Variants in PACSIN2 observed in about 807,000 individuals in gnomAD.
The protein encoded by PACSIN2 is protein kinase C and casein kinase substrate in neurons protein 2.
A neutral mutation model predicts 63.8 loss-of-function variants in PACSIN2; 25 were observed. That is an observed-to-expected ratio of 0.39 (90% confidence interval 0.29 to 0.55). The LOEUF (loss-of-function observed/expected upper bound fraction) is 0.55. Among genes scored for constraint, PACSIN2 ranks in the 20% least tolerant of loss-of-function variants. PACSIN2 has a pLI of 0.62. For synonymous variants in PACSIN2, 255 were observed against 256.2 expected, an observed-to-expected ratio of 1.00 and a Z score of 0.05; for missense variants, 518 against 646.9, an observed-to-expected ratio of 0.80 and a Z score of 2.16.
chr22:42,962,828 T>G (rs1159479010), intron 1 of PACSIN2, among the ~76,000 whole-genome samples: 1 of 144,246 alleles, frequency 6.9e-6, no homozygotes, highest in African/African-American at 2.7e-5. Flanking sequence ...TGAATAGTAG[T>G]GGGACTAGGA....
intron 1 of PACSIN2, among the ~76,000 whole-genome samples, chr22:42,987,600 C>T (rs1320942564): frequency 2.3e-5 from 3 of 129,540 alleles, no homozygotes; most frequent in African/African-American, 9.4e-5. Context: ...GGTGCAATCT[C>T]GGCTCACTGC....
Position 42,879,076 on chromosome 22 carries a change from C to G in PACSIN2, c.1000G>C (p.Asp334His), listed in dbSNP as rs200898876. 8 of 1,613,938 alleles carry G rather than the reference C, an allele frequency of 5.0e-6. No homozygotes were observed. Among genetic ancestry groups the G allele is most frequent in the Non-Finnish European group, 5.9e-6 (7 of 1,179,996 alleles). Residue 334 changes from aspartate to histidine, a missense_variant, in exon 8 of 11, where the codon GAC (aspartate) becomes CAC (histidine). Asp to His is a moderately conservative substitution (Grantham distance 81, BLOSUM62 -1). Transcript: ENST00000263246. ...VTLTGINQTG[D>H]QSLPSKPSST... Reference sequence around the variant, plus strand: ...CTGGGCTTACTCGGCAGAGACTGGTCGCCTGTCTGGTTGATGCCCGTCAGG... The same window carrying G: ...CTGGGCTTACTCGGCAGAGACTGGTGGCCTGTCTGGTTGATGCCCGTCAGG...
intron 1 of PACSIN2, among the ~76,000 whole-genome samples, chr22:42,971,543 C>T (rs1452074581): frequency 1.3e-5 from 2 of 152,120 alleles, no homozygotes; most frequent in African/African-American, 2.4e-5. Context: ...TGCCTGGCAG[C>T]CCATCGTCTG....
At chr22:42,955,890 T>C (rs927260916) in intron 1 of PACSIN2, among the ~76,000 whole-genome samples, 17 of 152,232 alleles carry the variant, frequency 1.1e-4, no homozygotes, top group Admixed American at 7.9e-4. Flanking sequence ...GCAGAGAAGA[T>C]AGAGAAGTCA....
intron 1 of PACSIN2, among the ~76,000 whole-genome samples, chr22:42,990,626 C>A (rs1922977302): frequency 2.6e-5 from 4 of 152,060 alleles, no homozygotes; most frequent in Admixed American, 2.6e-4. Context: ...TTGCAGTAGA[C>A]AAGATTTGCA....
At chr22:43,008,266 T>A (rs1924227130) in intron 1 of PACSIN2, among the ~76,000 whole-genome samples, 1 of 152,254 alleles carries the variant, frequency 6.6e-6, no homozygotes, top group Non-Finnish European at 1.5e-5. Context: ...TTCTTTTTTT[T>A]TTGAGACAGA....
chr22:42,940,160 G>A (rs987142381), intron 1 of PACSIN2, among the ~76,000 whole-genome samples: 2 of 152,168 alleles, frequency 1.3e-5, no homozygotes, highest in Admixed American at 6.5e-5. Context: ...CCTACACAGC[G>A]CCTTACAGAA....
chr22:42,940,390 T>C (rs1008626721), intron 1 of PACSIN2, among the ~76,000 whole-genome samples: 1 of 152,208 alleles, frequency 6.6e-6, no homozygotes, highest in Non-Finnish European at 1.5e-5. Flanking sequence ...CAGCATGTGT[T>C]TGCTGAATGA....
At chr22:43,003,198 A>G (rs1365758368) in intron 1 of PACSIN2, among the ~76,000 whole-genome samples, 3 of 152,386 alleles carry the variant, frequency 2.0e-5, no homozygotes, top group South Asian at 4.1e-4. Context: ...GGTAAACTAC[A>G]AAGAGTTTTT....
chr22:42,906,495 C>G (rs1258214426), intron 2 of PACSIN2, among the ~76,000 whole-genome samples: 1 of 152,196 alleles, frequency 6.6e-6, no homozygotes, highest in South Asian at 2.1e-4. Context: ...ACAAAGGCAG[C>G]CCACACGTCG....
intron 8 of PACSIN2, 63 bp downstream of exon 8, chr22:42,878,985 G>A: frequency 6.4e-7 from 1 of 1,560,920 alleles, no homozygotes; most frequent in Non-Finnish European, 8.7e-7. Flanking sequence ...CCTGGACCAT[G>A]CAGATTGCCC....
At chr22:42,923,730 A>G (rs1932354143) in intron 1 of PACSIN2, among the ~76,000 whole-genome samples, 1 of 152,138 alleles carries the variant, frequency 6.6e-6, no homozygotes, top group African/African-American at 2.4e-5. Flanking sequence ...CCCGGCCTCA[A>G]CTATTTCCTC....
chr22:42,882,122 C>T, intron 7 of PACSIN2, 62 bp downstream of exon 7: 2 of 1,574,620 alleles, frequency 1.3e-6, no homozygotes, highest in Non-Finnish European at 1.7e-6. Context: ...CATCATCTAG[C>T]AACTCTGTGG....
chr22:42,898,443 G>C (rs1238498024), intron 2 of PACSIN2, among the ~76,000 whole-genome samples: 1 of 151,962 alleles, frequency 6.6e-6, no homozygotes, highest in Admixed American at 6.6e-5. Flanking sequence ...AGCTAATTTT[G>C]TATTTTTAGT....
At chr22:42,988,562 C>T (rs1233216523) in intron 1 of PACSIN2, among the ~76,000 whole-genome samples, 1 of 152,216 alleles carries the variant, frequency 6.6e-6, no homozygotes, top group Non-Finnish European at 1.5e-5. Flanking sequence ...AGTATAACTG[C>T]TCCTAACTAC....
chr22:42,922,116 C>T (rs1232552452), intron 1 of PACSIN2, among the ~76,000 whole-genome samples: 2 of 152,198 alleles, frequency 1.3e-5, no homozygotes, highest in Non-Finnish European at 2.9e-5. Context: ...ATCTCAGATT[C>T]CAGTGACTTC....
rs544723410 is a variant in PACSIN2 at position 42,919,009 on chromosome 22, T to C, written c.-77-6852A>G. Among the ~76,000 whole-genome samples the C allele has an allele frequency of 2.4e-4, 36 of 152,314 alleles. 1 individual carries two copies. The South Asian group carries it at 5.8e-3, about 25-fold the overall frequency. On this transcript the variant is annotated intron_variant, in intron 1 of 10. Coordinates refer to ENST00000263246, the MANE Select transcript of PACSIN2 (RefSeq NM_001184970.3). ...GCTCTGCTTCATTCATTCTTCCAGG[T>C]TGAGCCGACTACAACGACCTTTACC...
At chr22:42,944,120 G>C (rs1016960362) in intron 1 of PACSIN2, among the ~76,000 whole-genome samples, 3 of 152,190 alleles carry the variant, frequency 2.0e-5, no homozygotes, top group Non-Finnish European at 4.4e-5. Context: ...AGCCTCTCCT[G>C]TCTACTGTGT....
rs200361801 is a variant in PACSIN2, at chr22:42,871,509, A to G, written c.1349-40T>C. ...GGGAGCCGTCTCCATGAGAGGTATG[A>G]CACCGACGGTGGGCTACAGAGCCGC... On this transcript the variant is annotated intron_variant, in intron 10 of 10. Transcript: ENST00000263246. The surrounding 1 kb of genome is among the most constrained non-coding windows in gnomAD (Gnocchi z 5.4). The G allele has an allele frequency of 4.8e-5, 71 of 1,464,924 alleles. 2 individuals are homozygous for G. In the Middle Eastern group the frequency reaches 8.6e-4, roughly 18 times the overall value. 90.7% of individuals were successfully genotyped at this position (1,464,924 alleles called of 1,614,324 possible). A position where few individuals can be genotyped will look rare whatever the true frequency, so the allele number is the denominator to read the frequency against.
Sources: allele counts gnomAD v4.1 joint callset (sites outside exome capture counted in the v4.1 genomes callset), GRCh38; gene constraint gnomAD v4.1.1; non-coding constraint Gnocchi (gnomAD v3.1); transcripts MANE v1.5; gene names NCBI Gene and HGNC (gene_info 2026-07-23, HGNC 2026-07-21).